The following HGS variants were observed in gnomAD, a reference collection of about 807,000 sequenced individuals.
HGS encodes human growth factor-regulated tyrosine kinase substrate.
HGS carries 63 observed loss-of-function variants against 109.7 expected under a neutral mutation model. The observed-to-expected ratio is 0.57, with a 90% CI of 0.47 to 0.71. The LOEUF (loss-of-function observed/expected upper bound fraction) is 0.71. HGS is among the 30% of genes least tolerant of loss of function. The pLI is 0.00. For missense variants in HGS, 995 were observed against 1,068.3 expected (o/e 0.93, Z 0.96); for synonymous variants, 546 against 437.3 (o/e 1.25, Z -3.10).
chr17:81,690,442 A>G (rs547932858), intron 6 of HGS: 18 of 642,212 alleles, frequency 2.8e-5, no homozygotes, highest in African/African-American at 2.0e-4. Context: ...TAGAGTGGCT[A>G]GGGGGCTCGG....
intron 15 of HGS, 114 bp from the exon 16 acceptor site, chr17:81,696,243 A>G (rs1328829773): frequency 1.5e-6 from 2 of 1,326,954 alleles, no homozygotes; most frequent in African/African-American, 1.5e-5. Context: ...CAGCACCTTC[A>G]GAGCCCTCTG....
rs373251558 is a variant in HGS, at chr17:81,693,657, C to G, written c.745C>G (p.Pro249Ala). 1 of 1,547,440 alleles carries G rather than the reference C, an allele frequency of 6.5e-7. No homozygotes were observed. Among genetic ancestry groups the G allele is most frequent in the East Asian group, 2.4e-5 (1 of 42,426 alleles). Reference sequence around the variant, plus strand: ...CACCCTCCCCGCTTGTCCTCAGCTGCCCCCCAAGAGGGACGAGACGGCCCT... The same window carrying G: ...CACCCTCCCCGCTTGTCCTCAGCTGGCCCCCAAGAGGGACGAGACGGCCCT... ...TSPLSQQSQL[P>A]PKRDETALQE... Residue 249 changes from proline to alanine, a missense_variant, in exon 10 of 22, where the codon CCC (proline) becomes GCC (alanine). Pro to Ala is a conservative substitution (Grantham distance 27). Coordinates refer to ENST00000329138, the MANE Select transcript of HGS (RefSeq NM_004712.5).
chr17:81,688,753 C>T lies in HGS; in HGVS notation c.341C>T (p.Ala114Val). The change falls in exon 5 of 22, where the codon GCC becomes GTC. Residue 114 changes from alanine (A) to valine (V), a missense_variant. Coordinates refer to ENST00000329138, the MANE Select transcript of HGS (RefSeq NM_004712.5). ...AACAAGATCCTGTACCTGATCCAGG[C>T]CTGGGCGCATGCCTTCCGGAACGAG... is the stretch of plus-strand genomic sequence containing the variant. The part of the protein sequence containing the change: ...VRNKILYLIQ[A>V]WAHAFRNEPK... 1 of 1,614,114 alleles carries T rather than the reference C, an allele frequency of 6.2e-7. No individual in the cohort carries two copies. Among genetic ancestry groups the T allele is most frequent in the Non-Finnish European group, 8.5e-7 (1 of 1,179,990 alleles).
intron 2 of HGS, 148 bp from the exon 3 acceptor site, chr17:81,686,164 C>G (rs1174454909): frequency 6.1e-6 from 4 of 655,322 alleles, no homozygotes; most frequent in African/African-American, 3.6e-5. Context: ...CTCCTGGGCT[C>G]AAGCAATCCT....
At chr17:81,688,465 CAG>C (rs1288672056) in intron 4 of HGS, among the ~76,000 whole-genome samples, 14 of 152,294 alleles carry the variant, frequency 9.2e-5, no homozygotes, top group Non-Finnish European at 1.6e-4. Context: ...GACAGATGGT[CAG>C]GGGCACAGAG....
chr17:81,692,460 C>T (rs1226495628), intron 8 of HGS: 5 of 152,254 alleles, frequency 3.3e-5, no homozygotes, highest in Admixed American at 6.5e-5. Flanking sequence ...GGTGATGGGC[C>T]GCTGCCCGGA....
intron 1 of HGS, 96 bp downstream of exon 1, chr17:81,684,199 C>A: frequency 8.8e-7 from 1 of 1,135,134 alleles, no homozygotes; most frequent in Non-Finnish European, 1.2e-6. Flanking sequence ...GGGGCGCGGA[C>A]CGGCCGCCCT....
In HGS at chr17:81,701,417, T is replaced by TTGTGGGTC. The variant is rs1184699177; in HGVS notation, c.2224-85_2224-78dup. 4 of 1,349,772 alleles carry TTGTGGGTC rather than the reference T, an allele frequency of 3.0e-6. No homozygotes were observed. In the African/African-American group the frequency reaches 5.8e-5, roughly 20 times the overall value. The allele number at this position is 1,349,772 out of a possible 1,614,324, so 83.6% of individuals were successfully genotyped here. On this transcript the variant is annotated intron_variant, in intron 21 of 21. Coordinates refer to ENST00000329138, the MANE Select transcript of HGS (RefSeq NM_004712.5). ...GTCCGTGGACATGGATTACAAGCAC[T>TTGTGGGTC]TGTGGGTCTGTGGCTCTGCTGGGAC...
At chr17:81,700,965 T>A (rs1268601638) in intron 20 of HGS, 80 bp from the exon 21 acceptor site, 1 of 1,543,032 alleles carries the variant, frequency 6.5e-7, no homozygotes, top group Non-Finnish European at 9.0e-7. Context: ...TGGTCACCTT[T>A]GGATTGTTGC....
chr17:81,693,579 C>G lies in HGS; in HGVS notation c.739C>G (p.Gln247Glu), dbSNP rs145607073. The G allele has an allele frequency of 8.4e-4, 1,350 of 1,602,920 alleles. 3 individuals carry two copies. The highest frequency in any genetic ancestry group is 2.2e-3 in the Admixed American group (130 of 59,556). The change falls in exon 9 of 22, where the codon CAG becomes GAG. Residue 247 changes from glutamine to glutamate, a missense_variant and splice_region_variant. By Grantham distance (29) the Gln-to-Glu change is conservative. Coordinates refer to ENST00000329138, the MANE Select transcript of HGS (RefSeq NM_004712.5). The part of the protein sequence containing the change: ...YLTSPLSQQS[Q>E]LPPKRDETAL... ...GACCAGCCCCCTGTCTCAGCAGTCCCAGGTACTCAGCCCCCTCCGTCCCGT... is the reference window on the plus strand; with the variant it reads ...GACCAGCCCCCTGTCTCAGCAGTCCGAGGTACTCAGCCCCCTCCGTCCCGT...
At position 81,688,823 on chromosome 17, in the gene HGS, G is replaced by A; in HGVS notation, c.411G>A (p.Val137=). The change falls in exon 5 of 22, where the codon GTG becomes GTA. Residue 137 remains valine (V), a synonymous_variant. Coordinates refer to ENST00000329138, the MANE Select transcript of HGS (RefSeq NM_004712.5). Reference sequence around the variant, plus strand: ...AGGACACCTACCAGATCATGAAGGTGGAGGGTGAGTCAGGACTGAGGTTGG... The same window carrying A: ...AGGACACCTACCAGATCATGAAGGTAGAGGGTGAGTCAGGACTGAGGTTGG... The part of the protein sequence containing the change: ...VVQDTYQIMK[V]EGHVFPEFKE... 6.2e-7 allele frequency: 1 copy of A among 1,614,150 alleles called. No homozygotes were observed. Among genetic ancestry groups the A allele is most frequent in the Non-Finnish European group, 8.5e-7 (1 of 1,180,006 alleles).
Position 81,695,984 on chromosome 17 carries a change from C to T in HGS, c.1378C>T (p.Leu460=), listed in dbSNP as rs913001500. Residue 460 remains leucine, a synonymous_variant, in exon 15 of 22, where the codon CTG becomes TTG. Transcript: ENST00000329138. ...HPQLLELLNQ[L]DERRLYYEGL... is the part of the protein sequence containing the mutation. Reference sequence around the variant, plus strand: ...GCAGCTGCTGGAGCTGCTCAACCAGCTGGACGAGCGCAGGCGTAGGTGCCC... The same window carrying T: ...GCAGCTGCTGGAGCTGCTCAACCAGTTGGACGAGCGCAGGCGTAGGTGCCC... 1.3e-6 allele frequency: 2 copies of T among 1,559,706 alleles called. No homozygotes were observed. Among genetic ancestry groups the T allele is most frequent in the Middle Eastern group, 1.7e-4 (1 of 5,786 alleles).
Position 81,688,560 on chromosome 17 carries a change from C to T in HGS, c.292-144C>T, listed in dbSNP as rs1191363144. The T allele has an allele frequency of 4.1e-6, 4 of 975,892 alleles. No homozygotes were observed. The East Asian group carries it at 1.1e-4, about 26-fold the overall frequency. 60.5% of individuals were successfully genotyped at this position (975,892 alleles called of 1,614,324 possible). On this transcript the variant is annotated intron_variant, in intron 4 of 21. Coordinates refer to ENST00000329138, the MANE Select transcript of HGS (RefSeq NM_004712.5). ...CTGGGAACAGGTTGGTGCATGGCCC[C>T]CACGCCCCACTCGGGGGGCCCTCCC...
Position 81,691,300 on chromosome 17 carries a change from G to T in HGS, c.538-147G>T. The T allele has an allele frequency of 1.0e-6, 1 of 956,738 alleles. No homozygotes were observed. Among genetic ancestry groups the T allele is most frequent in the Non-Finnish European group, 1.6e-6 (1 of 623,934 alleles). 59.3% of individuals were successfully genotyped at this position (956,738 alleles called of 1,614,324 possible). A position where few individuals can be genotyped will look rare whatever the true frequency, so the allele number is the denominator to read the frequency against. The stretch of plus-strand genomic sequence containing the variant: ...GCATGTCCAGGTTCCCCGGCCTTAG[G>T]GTCTTCCCAGGCACTTGTTCTGCTT... On this transcript the variant is annotated intron_variant, in intron 7 of 21. Coordinates refer to ENST00000329138, the MANE Select transcript of HGS (RefSeq NM_004712.5). This position sits in a 1 kb window ranked among gnomAD's most constrained non-coding sequence, Gnocchi z 5.3.
Position 81,690,735 on chromosome 17 carries a change from C to T in HGS, c.530C>T (p.Thr177Ile), listed in dbSNP as rs1445381668. 1 of 1,612,796 alleles carries T rather than the reference C, an allele frequency of 6.2e-7. No homozygotes were observed. The highest frequency in any genetic ancestry group is 2.2e-5 in the East Asian group (1 of 44,832). The change falls in exon 7 of 22, where the codon ACC (threonine) becomes ATC (isoleucine). Residue 177 changes from threonine (T) to isoleucine (I), a missense_variant. Thr to Ile is a moderately conservative substitution (Grantham distance 89). This residue lies in a region of HGS where 182 missense variants were observed against 261.3 expected (regional missense o/e 0.70). Transcript: ENST00000329138. ...TGCAGGGTGCAGTTCGGGGTGATGA[C>T]CCGTAAGGTGAGTTCCCACCTGGGG... Reference protein sequence around the residue: ...HRCRVQFGVMTRKHHCRACGQ... With the variant: ...HRCRVQFGVMIRKHHCRACGQ...
At chr17:81,685,855 G>C (rs1234281182) in intron 2 of HGS, among the ~76,000 whole-genome samples, 166 bp downstream of exon 2, 1 of 152,220 alleles carries the variant, frequency 6.6e-6, no homozygotes, top group Non-Finnish European at 1.5e-5. Flanking sequence ...GGAGGATTAA[G>C]GGGTTTTCTC....
intron 6 of HGS, 157 bp from the exon 7 acceptor site, chr17:81,690,517 C>T (rs1192681598): frequency 2.9e-6 from 2 of 692,000 alleles, no homozygotes; most frequent in Non-Finnish European, 4.7e-6. Flanking sequence ...CAGCTTCACC[C>T]CAGGCCACGC....
At chr17:81,694,108 C>A (rs567961594) in intron 11 of HGS, 143 bp downstream of exon 11, 2 of 683,022 alleles carry the variant, frequency 2.9e-6, no homozygotes, top group African/African-American at 1.8e-5. Flanking sequence ...AGCACACGGG[C>A]GGACATCAGG....
At position 81,690,393 on chromosome 17, in the gene HGS, T is replaced by G. The variant is rs529808814; in HGVS notation, c.468+159T>G. On this transcript the variant is annotated intron_variant, in intron 6 of 21. Transcript: ENST00000329138. ...GTCCTGGGCGGAGGCGTAGCAGCTGTCTCTGCAGGGCGAGGTGGAGACGTG... is the reference window on the plus strand; with the variant it reads ...GTCCTGGGCGGAGGCGTAGCAGCTGGCTCTGCAGGGCGAGGTGGAGACGTG... 17 of 787,404 alleles carry G rather than the reference T, an allele frequency of 2.2e-5. No homozygotes were observed. The South Asian group carries it at 2.5e-4, about 12-fold the overall frequency. The allele number at this position is 787,404 out of a possible 1,614,324, so 48.8% of individuals were successfully genotyped here.
Sources: gnomAD v4.1 joint callset for allele counts (sites outside exome capture counted in the v4.1 genomes callset) on GRCh38, gnomAD v4.1.1 for gene constraint, gnomAD v4.1.1 regional missense constraint, Gnocchi (gnomAD v3.1) non-coding constraint, MANE v1.5 for transcripts, NCBI Gene and HGNC (gene_info 2026-07-23, HGNC 2026-07-21) for gene names.